EAF2: variants seen among roughly 807,000 people sequenced by gnomAD.
EAF2 encodes ELL-associated factor 2.
A neutral mutation model predicts 29.4 loss-of-function variants in EAF2; 29 were observed. That is an observed-to-expected ratio of 0.99 (90% CI 0.73 to 1.35). The LOEUF is 1.35. Ranked by LOEUF, EAF2 falls within the 40% of genes most tolerant of loss-of-function variation. The pLI, the probability that EAF2 is intolerant of heterozygous loss-of-function variation, is 0.00. For missense variants in EAF2, 292 were observed against 312.0 expected, an observed-to-expected ratio of 0.94 and a Z score of 0.48; for synonymous variants, 103 against 102.5, an observed-to-expected ratio of 1.00 and a Z score of -0.03.
intron 4 of EAF2, 74 bp downstream of exon 4, chr3:121,857,230 A>G: frequency 2.2e-6 from 3 of 1,370,202 alleles, no homozygotes; most frequent in South Asian, 2.8e-5. Flanking sequence ...ATGGTGGCTC[A>G]CACCTGTAAT....
At position 121,857,075 on chromosome 3, in the gene EAF2, G is replaced by C. The variant is rs377482100; in HGVS notation, c.403G>C (p.Ala135Pro). The change falls in exon 4 of 6, where the codon GCC (alanine) becomes CCC (proline). Residue 135 changes from alanine to proline, a missense_variant. Coordinates refer to ENST00000273668, the MANE Select transcript of EAF2 (RefSeq NM_018456.6). ...ACAGCAACAACAAATGTGGAATTCA[G>C]CCAGGACTCCCAATCTTGTAAAACA... ...EQQQQQMWNS[A>P]RTPNLVKHSP... 7 of 1,613,738 alleles carry C rather than the reference G, an allele frequency of 4.3e-6. No individual in the cohort carries two copies. The Admixed American group carries it at 1.0e-4, about 23-fold the overall frequency.
At chr3:121,846,328 C>A (rs1051697605) in intron 2 of EAF2, among the ~76,000 whole-genome samples, 16 of 152,074 alleles carry the variant, frequency 1.1e-4, no homozygotes, top group Admixed American at 5.9e-4. Flanking sequence ...TATTTGTTCT[C>A]TCTGGAACTG....
chr3:121,851,908 G>T (rs948341729), intron 2 of EAF2, among the ~76,000 whole-genome samples: 1 of 152,162 alleles, frequency 6.6e-6, no homozygotes, highest in Non-Finnish European at 1.5e-5. Context: ...TTTAGTAGTT[G>T]CCTTTCTTGG....
intron 1 of EAF2, among the ~76,000 whole-genome samples, chr3:121,835,892 A>G (rs1708266263): frequency 6.6e-6 from 1 of 152,100 alleles, no homozygotes; most frequent in Non-Finnish European, 1.5e-5. Context: ...AATGATCTGT[A>G]TATCTCTTTG....
In EAF2 at chr3:121,872,610, A is replaced by G. The variant is rs1248829201; in HGVS notation, c.558A>G (p.Ser186=). The G allele has an allele frequency of 2.5e-6, 4 of 1,612,804 alleles. No individual in the cohort carries two copies. The highest frequency in any genetic ancestry group is 1.3e-5 in the African/African-American group (1 of 74,858). The change falls in exon 5 of 6, where the codon TCA becomes TCG. Residue 186 remains serine, a synonymous_variant. Transcript: ENST00000273668. ...GTTCATCAGATTCCAAAAGTTCATC[A>G]TCTTCAAGTAGTGAGGATAGTTCTA... is the stretch of plus-strand genomic sequence containing the variant. The part of the protein sequence containing the change: ...CDSSSDSKSS[S]SSSSEDSSSD...
At chr3:121,841,896 C>T (rs1168966453) in intron 1 of EAF2, among the ~76,000 whole-genome samples, 1 of 152,130 alleles carries the variant, frequency 6.6e-6, no homozygotes, top group Non-Finnish European at 1.5e-5. Flanking sequence ...ATCTCAGCTA[C>T]TCAGGAGGCT....
chr3:121,840,186 C>A (rs1335466318), intron 1 of EAF2, among the ~76,000 whole-genome samples: 4 of 91,936 alleles, frequency 4.4e-5, no homozygotes, highest in African/African-American at 1.9e-4. Context: ...GAGATTCTCT[C>A]AGGAAAAAAA....
At chr3:121,882,080 A>C (rs1374929322) in intron 5 of EAF2, among the ~76,000 whole-genome samples, 1 of 152,100 alleles carries the variant, frequency 6.6e-6, no homozygotes, top group African/African-American at 2.4e-5. Context: ...TGGGCATGGT[A>C]GTTCACACTT....
At chr3:121,837,878 A>G (rs1227207031) in intron 1 of EAF2, 3 of 152,308 alleles carry the variant, frequency 2.0e-5, no homozygotes, top group African/African-American at 7.2e-5. Context: ...CAATAACAGG[A>G]CCTACTAGAA....
chr3:121,845,508 C>CTAGAAAAG (rs891799678), intron 2 of EAF2, among the ~76,000 whole-genome samples: 1 of 145,312 alleles, frequency 6.9e-6, no homozygotes, highest in African/African-American at 2.5e-5. Flanking sequence ...GCAACAGAGA[C>CTAGAAAAG]TAGAAAAGTA....
intron 5 of EAF2, among the ~76,000 whole-genome samples, chr3:121,883,150 T>TAA (rs1709218956): frequency 6.6e-6 from 1 of 152,194 alleles, no homozygotes; most frequent in Non-Finnish European, 1.5e-5. Context: ...TTTTAATGCA[T>TAA]AGATTTGGAT....
At position 121,835,221 on chromosome 3, in the gene EAF2, T is replaced by C. The variant is rs868715103; in HGVS notation, c.-65T>C. The C allele has an allele frequency of 4.2e-5, 63 of 1,510,458 alleles. No individual in the cohort carries two copies. In the Middle Eastern group the frequency reaches 8.5e-4, roughly 20 times the overall value. The allele number at this position is 1,510,458 out of a possible 1,614,324, so 93.6% of individuals were successfully genotyped here. On this transcript the variant is annotated 5_prime_UTR_variant, in exon 1 of 6. Transcript: ENST00000273668. ...GGCTGGCGGGATCAAGTGCAGCTGCTTCAGGCTGAGGTGGCAGATAGTGAG... is the reference window on the plus strand; with the variant it reads ...GGCTGGCGGGATCAAGTGCAGCTGCCTCAGGCTGAGGTGGCAGATAGTGAG...
At position 121,858,255 on chromosome 3, in the gene EAF2, G is replaced by A. The variant is rs547335047; in HGVS notation, c.484+1099G>A. ...TTGAGGAATCGCCACACAGTCTTCC[G>A]CAATGGTTGAACTAATTTACAGTCC... is the stretch of plus-strand genomic sequence containing the variant. On this transcript the variant is annotated intron_variant, in intron 4 of 5. Transcript: ENST00000273668. Among the ~76,000 whole-genome samples, 12 of 152,320 alleles carry A rather than the reference G, an allele frequency of 7.9e-5. No homozygotes were observed. In the South Asian group the frequency reaches 1.4e-3, roughly 18 times the overall value.
chr3:121,839,694 T>G (rs1484109627), intron 1 of EAF2, among the ~76,000 whole-genome samples: 2 of 152,154 alleles, frequency 1.3e-5, no homozygotes, highest in African/African-American at 4.8e-5. Flanking sequence ...ACAAGTATTT[T>G]ACACATAATT....
chr3:121,847,963 T>G (rs925855321), intron 2 of EAF2, among the ~76,000 whole-genome samples: 4 of 152,118 alleles, frequency 2.6e-5, no homozygotes, highest in African/African-American at 9.7e-5. Flanking sequence ...TGCTAGTATC[T>G]CCATATCTAG....
At chr3:121,839,888 A>T (rs1708377542) in intron 1 of EAF2, among the ~76,000 whole-genome samples, 1 of 152,154 alleles carries the variant, frequency 6.6e-6, no homozygotes, top group Admixed American at 6.5e-5. Flanking sequence ...CTAATAGGAC[A>T]TGTCCACGAA....
At chr3:121,850,762 T>A (rs2107511067) in intron 2 of EAF2, among the ~76,000 whole-genome samples, 1 of 152,296 alleles carries the variant, frequency 6.6e-6, no homozygotes, top group South Asian at 2.1e-4. Context: ...AGTGGCGCAA[T>A]CTTGGCTCAC....
At chr3:121,850,951 T>C (rs927937891) in intron 2 of EAF2, among the ~76,000 whole-genome samples, 6 of 152,162 alleles carry the variant, frequency 3.9e-5, no homozygotes, top group Admixed American at 3.9e-4. Flanking sequence ...TCCACCTCCC[T>C]TGGCCTCCCA....
intron 4 of EAF2, among the ~76,000 whole-genome samples, chr3:121,863,281 C>T (rs1348138954): frequency 1.3e-5 from 2 of 152,212 alleles, no homozygotes; most frequent in Non-Finnish European, 2.9e-5. Context: ...CAGCTATGCC[C>T]TGCCCCCAGA....
Sources: allele counts gnomAD v4.1 joint callset (sites outside exome capture counted in the v4.1 genomes callset), GRCh38; gene constraint gnomAD v4.1.1; transcripts MANE v1.5; gene names NCBI Gene and HGNC (gene_info 2026-07-23, HGNC 2026-07-21).